The following LCMT1 variants were observed in gnomAD, a reference collection of about 807,000 sequenced individuals.
LCMT1 encodes the protein [Phosphatase 2A protein]-leucine-carboxy methyltransferase 1.
LCMT1 carries 32 observed loss-of-function variants against 47.7 expected under a neutral mutation model. That is an observed-to-expected ratio of 0.67 (90% CI 0.51 to 0.90). The LOEUF (loss-of-function observed/expected upper bound fraction) is 0.90, where lower values mean the gene tolerates loss of function less well. Ranked by LOEUF, LCMT1 falls within the 40% of genes least tolerant of loss-of-function variation. The probability of loss-of-function intolerance (pLI) is 0.00; values close to 1 mark genes in which losing one functional copy is unlikely to be tolerated. For missense variants in LCMT1, 375 were observed against 415.2 expected (o/e 0.90, Z 0.84); for synonymous variants, 152 against 149.7 (o/e 1.02, Z -0.11).
At chr16:25,154,542 A>G (rs868598652) in intron 5 of LCMT1, among the ~76,000 whole-genome samples, 5 of 133,828 alleles carry the variant, frequency 3.7e-5, no homozygotes, top group Middle Eastern at 4.7e-3. Flanking sequence ...GCTGGAGTGC[A>G]GTGGCGCGAT....
intron 7 of LCMT1, among the ~76,000 whole-genome samples, chr16:25,166,562 A>G (rs939725503): frequency 2.0e-5 from 3 of 152,090 alleles, no homozygotes; most frequent in African/African-American, 7.2e-5. Context: ...CACCATGCCC[A>G]GCTAATTTTT....
chr16:25,158,432 G>C (rs557093834), intron 5 of LCMT1, among the ~76,000 whole-genome samples: 1 of 152,354 alleles, frequency 6.6e-6, no homozygotes, highest in East Asian at 1.9e-4. Context: ...ACTGCGCCCG[G>C]CCGGTCTGTT....
chr16:25,137,930 A>C (rs1320349519), intron 3 of LCMT1, among the ~76,000 whole-genome samples: 1 of 150,184 alleles, frequency 6.7e-6, no homozygotes, highest in Non-Finnish European at 1.5e-5. Flanking sequence ...GAGGTCTGCT[A>C]TGCCGCACTC....
intron 1 of LCMT1, among the ~76,000 whole-genome samples, chr16:25,124,328 A>G (rs1037480176): frequency 1.3e-5 from 2 of 152,190 alleles, no homozygotes; most frequent in African/African-American, 2.4e-5. Flanking sequence ...TAAGCAACTC[A>G]GGTGTTATGA....
intron 4 of LCMT1, among the ~76,000 whole-genome samples, chr16:25,149,683 G>A (rs1961009314): frequency 1.3e-5 from 2 of 152,184 alleles, no homozygotes; most frequent in South Asian, 4.1e-4. Flanking sequence ...GAAGGCCAAG[G>A]CTGGTGGATT....
chr16:25,174,014 C>T (rs560546362), intron 9 of LCMT1, among the ~76,000 whole-genome samples: 6 of 152,212 alleles, frequency 3.9e-5, no homozygotes, highest in Non-Finnish European at 5.9e-5. Flanking sequence ...CAGGTTCAAG[C>T]AATTCTCCTG....
intron 1 of LCMT1, among the ~76,000 whole-genome samples, chr16:25,113,122 G>C (rs1311942851): frequency 7.8e-6 from 1 of 127,544 alleles, no homozygotes; most frequent in African/African-American, 3.0e-5. Flanking sequence ...ACCTGGATGA[G>C]AGTGCGAGAC....
At chr16:25,131,468 G>T (rs1047675381) in intron 2 of LCMT1, among the ~76,000 whole-genome samples, 2 of 152,140 alleles carry the variant, frequency 1.3e-5, no homozygotes, top group Non-Finnish European at 2.9e-5. Flanking sequence ...CAATAGAAAT[G>T]ATCTAGAAAA....
chr16:25,124,102 T>C (rs567583676), intron 1 of LCMT1, among the ~76,000 whole-genome samples: 1 of 152,318 alleles, frequency 6.6e-6, no homozygotes, highest in South Asian at 2.1e-4. Flanking sequence ...GAAAGAATCC[T>C]AGGAAAGGAC....
intron 1 of LCMT1, among the ~76,000 whole-genome samples, chr16:25,127,327 CTGTG>C (rs888030857): frequency 6.6e-6 from 1 of 152,076 alleles, no homozygotes; most frequent in Non-Finnish European, 1.5e-5. Flanking sequence ...TGTTATAAAA[CTGTG>C]TGGGTATGCT....
chr16:25,126,228 A>C, intron 1 of LCMT1: 2 of 1,140,682 alleles, frequency 1.8e-6, no homozygotes, highest in Non-Finnish European at 2.3e-6. Flanking sequence ...ACCACTGTGC[A>C]CCACTGTGAC....
chr16:25,126,206 T>C (rs1960180189), intron 1 of LCMT1: 1 of 1,236,480 alleles, frequency 8.1e-7, no homozygotes, highest in African/African-American at 1.5e-5. Flanking sequence ...CCCGTGCATC[T>C]CACCACTCTC....
chr16:25,176,591 C>T (rs8045935), intron 10 of LCMT1, among the ~76,000 whole-genome samples: 73,512 of 102,140 alleles, frequency 0.72, 25,999 homozygotes, highest in Middle Eastern at 0.81. Context: ...GAGATGGAGT[C>T]TTGCTCATTG....
chr16:25,162,931 C>T (rs986363399), intron 6 of LCMT1, among the ~76,000 whole-genome samples: 4 of 152,122 alleles, frequency 2.6e-5, no homozygotes, highest in Non-Finnish European at 4.4e-5. Context: ...AGTGCAGTGG[C>T]GTGATCTGTG....
chr16:25,139,148 G>A (rs1373216545), intron 3 of LCMT1, among the ~76,000 whole-genome samples: 1 of 152,112 alleles, frequency 6.6e-6, no homozygotes, highest in African/African-American at 2.4e-5. Context: ...TTGACCTTGT[G>A]ATCCGCCTGC....
At chr16:25,132,086 A>AGGC in intron 2 of LCMT1, 1 of 437,748 alleles carries the variant, frequency 2.3e-6, no homozygotes, top group Non-Finnish European at 4.5e-6. Context: ...TAGCCATGAA[A>AGGC]GGCACATTTC....
chr16:25,123,919 C>G (rs926804305), intron 1 of LCMT1, among the ~76,000 whole-genome samples: 1 of 152,066 alleles, frequency 6.6e-6, no homozygotes, highest in African/African-American at 2.4e-5. Flanking sequence ...TAATTTGCTT[C>G]CTTTCTTTCA....
Position 25,123,504 on chromosome 16 carries a change from C to T in LCMT1, c.114-4971C>T, listed in dbSNP as rs141385471. ...CCTCCCAAAGCGTTGGGATTACAGG[C>T]GTGAGCCACCGCACTCAGCCTTATA... On this transcript the variant is annotated intron_variant, in intron 1 of 10. Coordinates refer to ENST00000399069, the MANE Select transcript of LCMT1 (RefSeq NM_016309.3). Among the ~76,000 whole-genome samples the T allele has an allele frequency of 5.5e-4, 83 of 151,472 alleles. No homozygotes were observed. In the South Asian group the frequency reaches 7.7e-3, roughly 14 times the overall value.
At chr16:25,160,254 A>T (rs1411554074) in intron 5 of LCMT1, among the ~76,000 whole-genome samples, 1 of 152,134 alleles carries the variant, frequency 6.6e-6, no homozygotes, top group African/African-American at 2.4e-5. Context: ...GCCAATAGAA[A>T]TGTAAATTTC....
Sources: gnomAD v4.1 joint callset for allele counts (sites outside exome capture counted in the v4.1 genomes callset) on GRCh38, gnomAD v4.1.1 for gene constraint, MANE v1.5 for transcripts, NCBI Gene and HGNC (gene_info 2026-07-23, HGNC 2026-07-21) for gene names.